Variants in CUX1 observed in about 807,000 individuals in gnomAD.
The protein encoded by CUX1 is protein CASP.
Under a neutral mutation model 158.8 loss-of-function variants are expected in CUX1, and 31 were observed. The ratio of observed to expected loss-of-function variants is 0.20; its 90% confidence interval spans 0.15 to 0.26. The LOEUF (loss-of-function observed/expected upper bound fraction) is 0.26. Among genes scored for constraint, CUX1 ranks in the 10% least tolerant of loss-of-function variants. CUX1 has a pLI of 1.00. For synonymous variants in CUX1, 879 were observed against 862.1 expected, an observed-to-expected ratio of 1.02 and a Z score of -0.34; for missense variants, 1,589 against 2,014.6, an observed-to-expected ratio of 0.79 and a Z score of 4.04.
intron 3 of CUX1, among the ~76,000 whole-genome samples, chr7:102,041,073 G>A (rs1474370222): frequency 6.6e-6 from 1 of 151,714 alleles, no homozygotes; most frequent in Non-Finnish European, 1.5e-5. Flanking sequence ...TGGATCACAA[G>A]GTCAGGAGTT....
At chr7:101,865,873 A>G (rs776651502) in intron 1 of CUX1, among the ~76,000 whole-genome samples, 32 of 152,210 alleles carry the variant, frequency 2.1e-4, no homozygotes, top group Non-Finnish European at 4.0e-4. Flanking sequence ...ATTCAGGGGA[A>G]AGCAGCACGT....
At chr7:101,874,246 G>A (rs113012101) in intron 1 of CUX1, among the ~76,000 whole-genome samples, 1 of 152,172 alleles carries the variant, frequency 6.6e-6, no homozygotes, top group East Asian at 1.9e-4. Context: ...CGTGCAGGCC[G>A]TTGATAGAAT....
chr7:102,054,363 C>T (rs1459311979), intron 3 of CUX1, among the ~76,000 whole-genome samples: 1 of 152,120 alleles, frequency 6.6e-6, no homozygotes, highest in Non-Finnish European at 1.5e-5. Flanking sequence ...TCAAACTTTG[C>T]TCTTTTGCAT....
chr7:101,853,810 T>C (rs1166365401), intron 1 of CUX1, among the ~76,000 whole-genome samples: 1 of 152,164 alleles, frequency 6.6e-6, no homozygotes, highest in African/African-American at 2.4e-5. Flanking sequence ...ACCTGTCTTC[T>C]AGGCACCAGG....
intron 11 of CUX1, among the ~76,000 whole-genome samples, chr7:102,180,520 T>C (rs1792916313): frequency 6.6e-6 from 1 of 151,900 alleles, no homozygotes; most frequent in Non-Finnish European, 1.5e-5. Context: ...GAGATGGGAT[T>C]TCACTGTGTT....
intron 4 of CUX1, among the ~76,000 whole-genome samples, chr7:102,073,165 C>CTTTCTTTT (rs1407935481): frequency 6.0e-5 from 4 of 66,892 alleles, no homozygotes; most frequent in East Asian, 6.2e-4. Flanking sequence ...TCTTTTCTTT[C>CTTTCTTTT]TTTTTTTTTT....
At chr7:101,951,350 T>G (rs551772593) in intron 2 of CUX1, among the ~76,000 whole-genome samples, 1 of 152,008 alleles carries the variant, frequency 6.6e-6, no homozygotes, top group South Asian at 2.1e-4. Context: ...AAAAATTCCT[T>G]TAGCAGCATC....
intron 1 of CUX1, among the ~76,000 whole-genome samples, chr7:101,833,484 G>A (rs2131054609): frequency 6.9e-6 from 1 of 145,088 alleles, no homozygotes; most frequent in East Asian, 2.2e-4. Flanking sequence ...GAGCCCAGGA[G>A]TTGGAAGCTG....
Position 102,083,276 on chromosome 7 carries a change from A to G in CUX1, c.268+12859A>G, listed in dbSNP as rs1827636551. 1.4e-5 allele frequency among the ~76,000 whole-genome samples: 2 copies of G among 146,876 alleles called. 1 individual carries two copies. Among genetic ancestry groups the G allele is most frequent in the African/African-American group, 4.9e-5 (2 of 41,044 alleles). ...TTTTTTCATGTGCATTTTTGCTTTC[A>G]TAGATTTTTATTTATAAAGGTTTCA... On this transcript the variant is annotated intron_variant, in intron 4 of 23. Coordinates refer to ENST00000292535, the MANE Select transcript of CUX1 (RefSeq NM_181552.4).
At chr7:101,870,185 C>T (rs1297723490) in intron 1 of CUX1, among the ~76,000 whole-genome samples, 1 of 144,452 alleles carries the variant, frequency 6.9e-6, no homozygotes, top group Non-Finnish European at 1.5e-5. Context: ...ACAGCATCTC[C>T]CTTTGTCACC....
chr7:102,060,251 C>T (rs974080954), intron 3 of CUX1, among the ~76,000 whole-genome samples: 1 of 151,512 alleles, frequency 6.6e-6, no homozygotes, highest in Non-Finnish European at 1.5e-5. Context: ...GCACTCCAGC[C>T]TGGGAGACAG....
At chr7:102,156,683 T>C (rs1191359803) in intron 8 of CUX1, among the ~76,000 whole-genome samples, 1 of 152,096 alleles carries the variant, frequency 6.6e-6, no homozygotes, top group Non-Finnish European at 1.5e-5. Context: ...CTTGGGACCA[T>C]GGAGCAGGTT....
At chr7:102,051,703 T>G (rs1823525931) in intron 3 of CUX1, among the ~76,000 whole-genome samples, 1 of 150,500 alleles carries the variant, frequency 6.6e-6, no homozygotes, top group Non-Finnish European at 1.5e-5. Flanking sequence ...TGCTTGTAAA[T>G]GCATAAATAC....
At chr7:102,273,044 C>A (rs545886553) in intron 14 of CUX1, among the ~76,000 whole-genome samples, 4 of 152,358 alleles carry the variant, frequency 2.6e-5, no homozygotes, top group African/African-American at 7.2e-5. Context: ...CAGGGCCCCC[C>A]AAACAGCCGT....
At chr7:101,938,767 G>A (rs111968813) in intron 2 of CUX1, among the ~76,000 whole-genome samples, 6 of 152,128 alleles carry the variant, frequency 3.9e-5, no homozygotes, top group African/African-American at 1.4e-4. Context: ...TTAGCCGAGC[G>A]TGATGGCTCA....
chr7:101,945,020 A>G (rs1808205239), intron 2 of CUX1, among the ~76,000 whole-genome samples: 1 of 152,176 alleles, frequency 6.6e-6, no homozygotes, highest in East Asian at 1.9e-4. Context: ...ACAGCATTGC[A>G]CTTTCCCAGA....
intron 20 of CUX1, 51 bp from the exon 21 acceptor site, chr7:102,227,316 G>C (rs979925785): frequency 1.3e-6 from 2 of 1,492,716 alleles, no homozygotes; most frequent in African/African-American, 2.8e-5. Flanking sequence ...AGATGGTCGT[G>C]GTAAAAGACA....
intron 1 of CUX1, among the ~76,000 whole-genome samples, chr7:101,872,314 A>T (rs1196816793): frequency 6.6e-6 from 1 of 151,732 alleles, no homozygotes; most frequent in Non-Finnish European, 1.5e-5. Context: ...TTGTATTTTT[A>T]GTAGAGACGG....
At chr7:102,111,666 G>A (rs1554490099) in intron 6 of CUX1, 32 bp from the exon 7 acceptor site, 5 of 1,606,572 alleles carry the variant, frequency 3.1e-6, no homozygotes, top group Admixed American at 1.7e-5. Flanking sequence ...TAAAGGAGAT[G>A]ACCAATTTGG....
Sources: allele counts gnomAD v4.1 joint callset (sites outside exome capture counted in the v4.1 genomes callset), GRCh38; gene constraint gnomAD v4.1.1; transcripts MANE v1.5; gene names NCBI Gene and HGNC (gene_info 2026-07-23, HGNC 2026-07-21).